The following BDP1 variants were observed in gnomAD, a reference collection of about 807,000 sequenced individuals.
BDP1 encodes transcription factor TFIIIB component B'' homolog.
A neutral mutation model predicts 266.6 loss-of-function variants in BDP1; 169 were observed. The ratio of observed to expected loss-of-function variants is 0.63; its 90% CI spans 0.56 to 0.72. The LOEUF (loss-of-function observed/expected upper bound fraction) is 0.72. BDP1 is among the 30% of genes least tolerant of loss of function. BDP1 has a pLI of 0.00. For synonymous variants in BDP1, 1,090 were observed against 1,022.4 expected, an observed-to-expected ratio of 1.07 and a Z score of -1.26; for missense variants, 3,015 against 3,053.8, an observed-to-expected ratio of 0.99 and a Z score of 0.30.
intron 9 of BDP1, among the ~76,000 whole-genome samples, chr5:71,488,646 C>A (rs1279556511): frequency 1.3e-5 from 2 of 151,794 alleles, no homozygotes; most frequent in African/African-American, 2.4e-5. Flanking sequence ...CCAGCCTGGT[C>A]TTGAGCTCCT....
chr5:71,466,247 AT>A (rs1157695590), intron 5 of BDP1, 26 bp downstream of exon 5: 1 of 1,613,174 alleles, frequency 6.2e-7, no homozygotes, highest in African/African-American at 1.3e-5. Context: ...AAAAAGTGAG[AT>A]TGTGGTTACA....
rs147027969 is a variant in BDP1, at chr5:71,533,156, A to C, written c.5892+729A>C. 2.9e-3 allele frequency among the ~76,000 whole-genome samples: 445 copies of C among 152,300 alleles called. 3 individuals are homozygous for C. Among genetic ancestry groups the C allele is most frequent in the African/African-American group, 0.01 (418 of 41,560 alleles). On this transcript the variant is annotated intron_variant, in intron 26 of 38. Transcript: ENST00000358731. ...ATAATATTCCATATGGATATGGTAC[A>C]TTTTGTATATCCATTCATCCATTCA... is the stretch of plus-strand genomic sequence containing the variant.
chr5:71,524,059 C>T lies in BDP1; in HGVS notation c.5508C>T (p.Phe1836=). The T allele has an allele frequency of 1.9e-6, 3 of 1,614,160 alleles. No individual in the cohort carries two copies. Among genetic ancestry groups the T allele is most frequent in the Non-Finnish European group, 1.7e-6 (2 of 1,180,036 alleles). The change falls in exon 25 of 39, where the codon TTC becomes TTT. Residue 1836 remains phenylalanine (F), a synonymous_variant. Transcript: ENST00000358731. ...GTGAAAGGAGAAGTCATAAAAAGTT[C>T]AAACCAAATGTCACCAGAGGTCGTG... The part of the protein sequence containing the change: ...NRGERRSHKK[F]KPNVTRGRGS...
At chr5:71,490,883 A>C (rs762739962) in intron 10 of BDP1, 101 bp from the exon 11 acceptor site, 27 of 1,201,326 alleles carry the variant, frequency 2.2e-5, no homozygotes, top group Non-Finnish European at 2.9e-5. Flanking sequence ...ATGTTGCTTA[A>C]GGTTTTGTAG....
intron 35 of BDP1, among the ~76,000 whole-genome samples, chr5:71,555,058 C>G (rs574220559): frequency 1.3e-5 from 2 of 152,188 alleles, no homozygotes; most frequent in Non-Finnish European, 2.9e-5. Context: ...TACACATACA[C>G]TGTATTCAGA....
chr5:71,564,766 C>G lies in BDP1; in HGVS notation c.7756C>G (p.Gln2586Glu). Residue 2586 changes from glutamine to glutamate, a missense_variant, in exon 39 of 39, where the codon CAG becomes GAG. Transcript: ENST00000358731. Reference protein sequence around the residue: ...SSSATQVSCDQPLLKEGYKSA... With the variant: ...SSSATQVSCDEPLLKEGYKSA... ...ATTACCTTTTTAGGTTTCTTGTGAT[C>G]AGCCCTTACTGAAAGAAGGATATAA... 6.2e-7 allele frequency: 1 copy of G among 1,601,938 alleles called. No homozygotes were observed. Among genetic ancestry groups the G allele is most frequent in the South Asian group, 1.1e-5 (1 of 88,668 alleles).
rs770022020 is a variant in BDP1, at chr5:71,495,373, A to G, written c.1764A>G (p.Ile588Met). The stretch of plus-strand genomic sequence containing the variant: ...TGAATAATGCTGAGGGTAGTTGTAT[A>G]GAAGAAAGAAATGTTGACCTAAAAA... ...CEVNNAEGSC[I>M]EERNVDLKNN... The change falls in exon 12 of 39, where the codon ATA becomes ATG. Residue 588 changes from isoleucine (I) to methionine (M), a missense_variant. This residue lies in a region of BDP1 where 2,383 missense variants were observed against 2,404.9 expected (regional missense o/e 0.99). Transcript: ENST00000358731. 1 of 1,586,020 alleles carries G rather than the reference A, an allele frequency of 6.3e-7. No homozygotes were observed. The highest frequency in any genetic ancestry group is 1.2e-5 in the South Asian group (1 of 84,232).
chr5:71,470,480 A>G lies in BDP1; in HGVS notation c.1005A>G (p.Ile335Met). The change falls in exon 7 of 39, where the codon ATA becomes ATG. Residue 335 changes from isoleucine to methionine, a missense_variant. Physicochemically the swap from Ile to Met is conservative, Grantham distance 10. Coordinates refer to ENST00000358731, the MANE Select transcript of BDP1 (RefSeq NM_018429.3). ...AACTTTTTCCTCACAGAGCAAGGAT[A>G]GAAATTAAGGTAAAGTAAACCCATC... ...IGQLFPHRAR[I>M]EIKNKFKREE... 6.2e-7 allele frequency: 1 copy of G among 1,606,856 alleles called. No individual in the cohort carries two copies. Among genetic ancestry groups the G allele is most frequent in the Non-Finnish European group, 8.5e-7 (1 of 1,174,504 alleles).
At chr5:71,527,947 A>G (rs894732310) in intron 25 of BDP1, among the ~76,000 whole-genome samples, 1 of 151,620 alleles carries the variant, frequency 6.6e-6, no homozygotes, top group African/African-American at 2.4e-5. Context: ...GCCTCCCAAG[A>G]AGCTGGGATT....
intron 20 of BDP1, 59 bp downstream of exon 20, chr5:71,515,181 C>A: frequency 7.8e-7 from 1 of 1,282,472 alleles, no homozygotes; most frequent in Admixed American, 2.9e-5. Flanking sequence ...TTAAATATTT[C>A]TAATTTTTAT....
At chr5:71,536,039 T>C (rs1766576894) in intron 26 of BDP1, among the ~76,000 whole-genome samples, 1 of 152,236 alleles carries the variant, frequency 6.6e-6, no homozygotes. Flanking sequence ...CTTTTATTTC[T>C]TTTTCTTGCC....
At position 71,492,564 on chromosome 5, in the gene BDP1, T is replaced by G. The variant is rs561756478; in HGVS notation, c.1640+1433T>G. ...TGGAGACATGTCTATTCAGGTCCTG[T>G]GCCCAATTTTTTAATTAGGTTATTT... is the stretch of plus-strand genomic sequence containing the variant. On this transcript the variant is annotated intron_variant, in intron 11 of 38. Transcript: ENST00000358731. Among the ~76,000 whole-genome samples the G allele has an allele frequency of 2.0e-5, 3 of 152,316 alleles. No individual in the cohort carries two copies. In the East Asian group the frequency reaches 5.8e-4, roughly 29 times the overall value.
At chr5:71,499,385 G>A (rs896614862) in intron 13 of BDP1, among the ~76,000 whole-genome samples, 3 of 152,210 alleles carry the variant, frequency 2.0e-5, no homozygotes, top group African/African-American at 7.2e-5. Context: ...GTGAGGCCAA[G>A]GCTGGTGGCT....
In BDP1 at chr5:71,510,499, A is replaced by T; in HGVS notation, c.3407A>T (p.Asp1136Val). ...AGGGAGAAGACACCAGAGGTGATTG[A>T]TGCCACTGAGGAAATAGACAAAGAT... ...SPREKTPEVI[D>V]ATEEIDKDLE... The change falls in exon 17 of 39, where the codon GAT (aspartate) becomes GTT (valine). Residue 1136 changes from aspartate (D) to valine (V), a missense_variant. This residue lies in a region of BDP1 where 2,383 missense variants were observed against 2,404.9 expected (regional missense o/e 0.99). Coordinates refer to ENST00000358731, the MANE Select transcript of BDP1 (RefSeq NM_018429.3). 6.2e-7 allele frequency: 1 copy of T among 1,613,888 alleles called. No individual in the cohort carries two copies. The highest frequency in any genetic ancestry group is 8.5e-7 in the Non-Finnish European group (1 of 1,179,964).
chr5:71,545,759 A>G (rs758841918), intron 32 of BDP1, among the ~76,000 whole-genome samples: 4 of 152,068 alleles, frequency 2.6e-5, no homozygotes, highest in Non-Finnish European at 5.9e-5. Flanking sequence ...ACATGTATAC[A>G]TTATCCAGTT....
At chr5:71,577,733 A>G in the BDP1 span, among the ~76,000 whole-genome samples, 3 of 151,950 alleles carry the variant, frequency 2.0e-5, no homozygotes, top group African/African-American at 7.3e-5. Context: ...AGGCCTGGAG[A>G]GCGTCAACCC....
chr5:71,552,693 G>C (rs1216648942), intron 34 of BDP1, among the ~76,000 whole-genome samples: 1 of 152,250 alleles, frequency 6.6e-6, no homozygotes, highest in African/African-American at 2.4e-5. Flanking sequence ...GGTGTCGCGC[G>C]CCTGCAATCG....
chr5:71,525,648 C>T (rs71576941), intron 25 of BDP1, among the ~76,000 whole-genome samples: 2 of 128,770 alleles, frequency 1.6e-5, no homozygotes, highest in African/African-American at 5.6e-5. Context: ...CTGACCCCCC[C>T]ACCTCCCTTC....
rs554088745 is a variant in BDP1 at position 71,551,393 on chromosome 5, A to G, written c.6996-1723A>G. Among the ~76,000 whole-genome samples the G allele has an allele frequency of 2.0e-5, 3 of 152,316 alleles. No homozygotes were observed. The East Asian group carries it at 5.8e-4, about 29-fold the overall frequency. On this transcript the variant is annotated intron_variant, in intron 34 of 38. Transcript: ENST00000358731. The stretch of plus-strand genomic sequence containing the variant: ...CCTTAATCCATTCAACCCTGAGTGG[A>G]CACAGCACATGTTTCAGAGAGCACA...
Sources: allele counts gnomAD v4.1 joint callset (sites outside exome capture counted in the v4.1 genomes callset), GRCh38; gene constraint gnomAD v4.1.1; regional missense constraint gnomAD v4.1.1; transcripts MANE v1.5; gene names NCBI Gene and HGNC (gene_info 2026-07-23, HGNC 2026-07-21).